Variants in KCNB2 observed in about 807,000 individuals in gnomAD.
KCNB2 encodes the protein potassium voltage-gated channel subfamily B member 2.
KCNB2 carries 15 observed loss-of-function variants against 61.5 expected under a neutral mutation model. The ratio of observed to expected loss-of-function variants is 0.24; its 90% CI spans 0.16 to 0.38. The LOEUF (loss-of-function observed/expected upper bound fraction) is 0.38, where lower values mean the gene tolerates loss of function less well. KCNB2 is among the 10% of genes least tolerant of loss of function. KCNB2 has a pLI of 1.00. For synonymous variants in KCNB2, 457 were observed against 446.0 expected (o/e 1.02, Z -0.31); for missense variants, 828 against 1,125.2 (o/e 0.74, Z 3.78).
chr8:72,612,798 AG>A (rs1348289774), intron 2 of KCNB2, among the ~76,000 whole-genome samples: 1 of 152,138 alleles, frequency 6.6e-6, no homozygotes, highest in Non-Finnish European at 1.5e-5. Flanking sequence ...AGCTTTTTCA[AG>A]TTTGAGCTTG....
intron 2 of KCNB2, among the ~76,000 whole-genome samples, chr8:72,851,826 G>GAAAAAAAAATAAAAAAA (rs1810116412): frequency 2.3e-5 from 1 of 43,868 alleles, no homozygotes; most frequent in Non-Finnish European, 3.9e-5. Flanking sequence ...GAAGCTGTAG[G>GAAAAAAAAATAAAAAAA]AAAAAAAAAA....
At chr8:72,630,134 C>G (rs1402252694) in intron 2 of KCNB2, among the ~76,000 whole-genome samples, 1 of 152,152 alleles carries the variant, frequency 6.6e-6, no homozygotes, top group Non-Finnish European at 1.5e-5. Flanking sequence ...ACTTAACATT[C>G]AGTGAAATAA....
At chr8:72,561,789 A>ATATGTGTATATATATATATATATATG (rs1491494090) in intron 1 of KCNB2, among the ~76,000 whole-genome samples, 2 of 33,580 alleles carry the variant, frequency 6.0e-5, no homozygotes, top group East Asian at 8.7e-4. Context: ...ATATATATAT[A>ATATGTGTATATATATATATATATATG]CATATATATA....
At chr8:72,931,711 G>C (rs1342373561) in intron 2 of KCNB2, among the ~76,000 whole-genome samples, 1 of 152,064 alleles carries the variant, frequency 6.6e-6, no homozygotes, top group East Asian at 1.9e-4. Flanking sequence ...GAGGTGAAAG[G>C]GATTAAAAAC....
intron 2 of KCNB2, among the ~76,000 whole-genome samples, chr8:72,831,469 A>G (rs1809693678): frequency 6.6e-6 from 1 of 152,196 alleles, no homozygotes; most frequent in Admixed American, 6.5e-5. Context: ...ATTGTTTGCA[A>G]AGTTTTAAGC....
intron 2 of KCNB2, among the ~76,000 whole-genome samples, chr8:72,670,820 C>G (rs1276898722): frequency 2.6e-5 from 4 of 152,178 alleles, no homozygotes; most frequent in African/African-American, 9.6e-5. Flanking sequence ...TCAGCTACCT[C>G]TGTACCTTCA....
intron 2 of KCNB2, among the ~76,000 whole-genome samples, chr8:72,791,417 T>G (rs1364404923): frequency 6.6e-6 from 1 of 152,022 alleles, no homozygotes; most frequent in Non-Finnish European, 1.5e-5. Flanking sequence ...AGCATGGTGA[T>G]GCATACCTGT....
chr8:72,616,149 T>C (rs776057647), intron 2 of KCNB2, among the ~76,000 whole-genome samples: 11 of 152,190 alleles, frequency 7.2e-5, no homozygotes, highest in Admixed American at 2.0e-4. Context: ...GTCGAAGGAT[T>C]CCTTTTGAGT....
intron 1 of KCNB2, among the ~76,000 whole-genome samples, chr8:72,543,804 A>G (rs531681849): frequency 1.3e-5 from 2 of 152,312 alleles, no homozygotes; most frequent in Non-Finnish European, 2.9e-5. Flanking sequence ...AAACTCACTC[A>G]AAAGGATCAT....
chr8:72,831,174 G>T (rs1254741245), intron 2 of KCNB2, among the ~76,000 whole-genome samples: 1 of 152,200 alleles, frequency 6.6e-6, no homozygotes, highest in Non-Finnish European at 1.5e-5. Context: ...GCTACCCCAG[G>T]ATGGTCTTGC....
At chr8:72,621,419 T>G (rs1294317703) in intron 2 of KCNB2, among the ~76,000 whole-genome samples, 1 of 152,240 alleles carries the variant, frequency 6.6e-6, no homozygotes, top group African/African-American at 2.4e-5. Context: ...CATCATCAGT[T>G]CAGCTAATGG....
chr8:72,541,000 GA>G (rs34637054), intron 1 of KCNB2, among the ~76,000 whole-genome samples: 10 of 151,246 alleles, frequency 6.6e-5, no homozygotes, highest in Middle Eastern at 3.5e-3. Flanking sequence ...ATTTTAGGGG[GA>G]AAAAAACTTG....
intron 2 of KCNB2, among the ~76,000 whole-genome samples, chr8:72,662,250 G>A (rs1035566293): frequency 6.6e-6 from 1 of 152,130 alleles, no homozygotes; most frequent in African/African-American, 2.4e-5. Context: ...ATGACCACCT[G>A]TAGCTTCTCC....
At position 72,592,339 on chromosome 8, in the gene KCNB2, A is replaced by G. The variant is rs138772794; in HGVS notation, c.579+24026A>G. Among the ~76,000 whole-genome samples, 36 of 152,268 alleles carry G rather than the reference A, an allele frequency of 2.4e-4. No homozygotes were observed. The East Asian group carries it at 6.9e-3, about 29-fold the overall frequency. ...AATGGCTTTTCTTTTTCCTAACCTA[A>G]TACCTCAAACAATACATCAGTATAT... On this transcript the variant is annotated intron_variant, in intron 2 of 2. Transcript: ENST00000523207.
intron 2 of KCNB2, among the ~76,000 whole-genome samples, chr8:72,599,326 C>T (rs181331305): frequency 6.6e-6 from 1 of 152,228 alleles, no homozygotes; most frequent in Admixed American, 6.5e-5. Context: ...TTTGACAAAC[C>T]TGACAAAAAC....
intron 2 of KCNB2, among the ~76,000 whole-genome samples, chr8:72,611,953 A>G (rs1393215902): frequency 6.6e-6 from 1 of 152,298 alleles, no homozygotes; most frequent in African/African-American, 2.4e-5. Flanking sequence ...TGCCTGAAAC[A>G]TGTTAAAAAA....
rs1806909765 is a variant in KCNB2, at chr8:72,936,735, A to T, written c.1380A>T (p.Arg460=). 1 of 1,614,094 alleles carries T rather than the reference A, an allele frequency of 6.2e-7. No homozygotes were observed. Among genetic ancestry groups the T allele is most frequent in the Non-Finnish European group, 8.5e-7 (1 of 1,180,036 alleles). Residue 460 remains arginine, a synonymous_variant, in exon 3 of 3, where the codon CGA becomes CGT. Transcript: ENST00000523207. The surrounding 1 kb of genome is among the most constrained non-coding windows in gnomAD (Gnocchi z 5.6). ...TGAACTTAAAAGATGCCTTCGCTCG[A>T]AGTATGGAACTGATAGATGTGGCTG... The part of the protein sequence containing the change: ...VSMNLKDAFA[R]SMELIDVAVE...
chr8:72,683,854 C>T (rs1204832978), intron 2 of KCNB2, among the ~76,000 whole-genome samples: 4 of 152,078 alleles, frequency 2.6e-5, no homozygotes, highest in African/African-American at 9.7e-5. Flanking sequence ...AGGAAATTAA[C>T]TCATTAGGAG....
At chr8:72,666,257 C>A (rs1005377135) in intron 2 of KCNB2, among the ~76,000 whole-genome samples, 2 of 152,174 alleles carry the variant, frequency 1.3e-5, no homozygotes, top group Admixed American at 1.3e-4. Context: ...CAGAAGTACA[C>A]ACCTGATACC....
Sources: allele counts gnomAD v4.1 joint callset (sites outside exome capture counted in the v4.1 genomes callset), GRCh38; gene constraint gnomAD v4.1.1; non-coding constraint Gnocchi (gnomAD v3.1); transcripts MANE v1.5; gene names NCBI Gene and HGNC (gene_info 2026-07-23, HGNC 2026-07-21).